The following MAPK10 variants were observed in gnomAD, a reference collection of about 807,000 sequenced individuals.
MAPK10 encodes mitogen-activated protein kinase 10.
Under a neutral mutation model 59.3 loss-of-function variants are expected in MAPK10, and 25 were observed. The observed-to-expected ratio is 0.42, with a 90% CI of 0.31 to 0.59. The LOEUF is 0.59. Ranked by LOEUF, MAPK10 falls within the 20% of genes least tolerant of loss-of-function variation. The pLI is 0.15. For missense variants in MAPK10, 351 were observed against 568.9 expected (o/e 0.62, Z 3.90); for synonymous variants, 190 against 200.5 (o/e 0.95, Z 0.44).
chr4:86,573,207 T>C (rs567848501), intron 1 of MAPK10, among the ~76,000 whole-genome samples: 1 of 152,210 alleles, frequency 6.6e-6, no homozygotes, highest in Middle Eastern at 3.2e-3. Flanking sequence ...AAAGCTTTAC[T>C]ATCAAAGGTC....
chr4:86,211,056 T>C (rs1178975170), intron 2 of MAPK10, among the ~76,000 whole-genome samples: 1 of 151,184 alleles, frequency 6.6e-6, no homozygotes, highest in Non-Finnish European at 1.5e-5. Flanking sequence ...GAAAGAAGGA[T>C]TGAGAAAAAT....
At chr4:86,068,456 G>T (rs540879080) in intron 9 of MAPK10, among the ~76,000 whole-genome samples, 1 of 151,864 alleles carries the variant, frequency 6.6e-6, no homozygotes, top group African/African-American at 2.4e-5. Flanking sequence ...TAAAAATCTG[G>T]AATTTTTTTC....
At chr4:86,570,164 A>G (rs1034818282) in intron 1 of MAPK10, among the ~76,000 whole-genome samples, 2 of 152,182 alleles carry the variant, frequency 1.3e-5, no homozygotes, top group African/African-American at 4.8e-5. Flanking sequence ...TCAAAGATGA[A>G]TAAGACCCAA....
At chr4:86,181,142 AT>A (rs955828706) in intron 3 of MAPK10, among the ~76,000 whole-genome samples, 3 of 152,086 alleles carry the variant, frequency 2.0e-5, no homozygotes, top group Non-Finnish European at 2.9e-5. Context: ...TTTTAAGTAA[AT>A]TAAATTTTTA....
chr4:86,147,561 G>A (rs1042058798), intron 4 of MAPK10, among the ~76,000 whole-genome samples: 3 of 151,846 alleles, frequency 2.0e-5, no homozygotes, highest in East Asian at 1.9e-4. Flanking sequence ...TATACATTCT[G>A]TAAGGATACC....
chr4:86,301,197 G>A (rs956187588), intron 2 of MAPK10, among the ~76,000 whole-genome samples: 1 of 152,084 alleles, frequency 6.6e-6, no homozygotes, highest in African/African-American at 2.4e-5. Flanking sequence ...GGGCAGGGGC[G>A]GGGCAGATGA....
chr4:86,063,326 T>C (rs1010778), intron 11 of MAPK10, among the ~76,000 whole-genome samples: 71,880 of 151,990 alleles, frequency 0.47, 18,137 homozygotes, highest in African/African-American at 0.66. Flanking sequence ...TTAAGAATAC[T>C]TTGGGGAAAC....
At chr4:86,443,435 T>A (rs1749650486) in intron 1 of MAPK10, among the ~76,000 whole-genome samples, 1 of 151,418 alleles carries the variant, frequency 6.6e-6, no homozygotes, top group Admixed American at 6.6e-5. Context: ...CCCCTCTAGT[T>A]TTCCATGTGG....
At chr4:86,029,145 C>A (rs762616602) in intron 13 of MAPK10, 52 bp downstream of exon 13, 1 of 1,255,328 alleles carries the variant, frequency 8.0e-7, no homozygotes, top group South Asian at 1.2e-5. Context: ...TACACAAAGG[C>A]CAAGAAATTA....
chr4:86,565,073 CAG>C (rs1271667524), intron 1 of MAPK10, among the ~76,000 whole-genome samples: 1 of 152,138 alleles, frequency 6.6e-6, no homozygotes, highest in Non-Finnish European at 1.5e-5. Flanking sequence ...ATGTGGCAGC[CAG>C]ATGGCTCCCA....
At chr4:86,227,211 G>A (rs1257677130) in intron 2 of MAPK10, among the ~76,000 whole-genome samples, 2 of 152,090 alleles carry the variant, frequency 1.3e-5, no homozygotes, top group Non-Finnish European at 2.9e-5. Context: ...GACACGGCCG[G>A]GTGGGGTGGC....
chr4:86,359,557 T>C, intron 1 of MAPK10, 101 bp downstream of exon 1: 1 of 408,054 alleles, frequency 2.5e-6, no homozygotes, highest in Non-Finnish European at 3.3e-6. Context: ...CTCTCTCGTC[T>C]CTTCCATACT....
intron 1 of MAPK10, among the ~76,000 whole-genome samples, chr4:86,563,468 A>C (rs945663656): frequency 3.9e-5 from 6 of 152,182 alleles, no homozygotes; most frequent in Middle Eastern, 3.2e-3. Context: ...AGATAATTAA[A>C]TTACCAGATT....
chr4:86,552,063 AT>A, intron 1 of MAPK10, among the ~76,000 whole-genome samples: 1 of 152,252 alleles, frequency 6.6e-6, no homozygotes, highest in East Asian at 1.9e-4. Flanking sequence ...AATGGATTAA[AT>A]TATATTTTAA....
At chr4:86,210,211 A>G (rs1307751182) in intron 2 of MAPK10, among the ~76,000 whole-genome samples, 1 of 152,056 alleles carries the variant, frequency 6.6e-6, no homozygotes, top group East Asian at 1.9e-4. Flanking sequence ...AGGACATTCA[A>G]CTGGGCAAAT....
intron 2 of MAPK10, among the ~76,000 whole-genome samples, chr4:86,261,962 C>G (rs1052716533): frequency 6.6e-6 from 1 of 152,222 alleles, no homozygotes; most frequent in African/African-American, 2.4e-5. Context: ...AGGTTCTTGT[C>G]CCATATGCTT....
intron 1 of MAPK10, among the ~76,000 whole-genome samples, chr4:86,378,495 A>C (rs977166519): frequency 2.0e-5 from 3 of 148,612 alleles, no homozygotes; most frequent in African/African-American, 7.4e-5. Context: ...ACTCTTTTCG[A>C]CATATTAAAT....
chr4:86,211,557 T>C (rs1053837779), intron 2 of MAPK10, among the ~76,000 whole-genome samples: 1 of 152,138 alleles, frequency 6.6e-6, no homozygotes, highest in African/African-American at 2.4e-5. Flanking sequence ...CCACTAGACC[T>C]GCTTTGCAAG....
chr4:86,281,474 A>G (rs1424139956), intron 2 of MAPK10, among the ~76,000 whole-genome samples: 1 of 151,832 alleles, frequency 6.6e-6, no homozygotes, highest in African/African-American at 2.4e-5. Flanking sequence ...TGCACTCTAG[A>G]CTGGGTGACA....
Sources: allele counts gnomAD v4.1 joint callset (sites outside exome capture counted in the v4.1 genomes callset), GRCh38; gene constraint gnomAD v4.1.1; transcripts MANE v1.5; gene names NCBI Gene and HGNC (gene_info 2026-07-23, HGNC 2026-07-21).